ZIC2: variants seen among roughly 807,000 people sequenced by gnomAD.
The protein encoded by ZIC2 is zinc finger protein ZIC 2.
In ZIC2, 7 loss-of-function variants were observed where a neutral mutation model predicts 29.5. The observed-to-expected ratio is 0.24, with a 90% CI of 0.14 to 0.45. The LOEUF is 0.45. ZIC2 is among the 20% of genes least tolerant of loss of function. The pLI, the probability that ZIC2 is intolerant of heterozygous loss-of-function variation, is 1.00. For missense variants in ZIC2, 589 were observed against 781.2 expected (o/e 0.75, Z 2.93); for synonymous variants, 408 against 354.2 (o/e 1.15, Z -1.70).
Position 99,984,972 on chromosome 13 carries a change from G to C in ZIC2, c.1102G>C (p.Glu368Gln). ...GGAGAAGCCGTTCCAGTGTGAGTTT[G>C]AGGGCTGCGACCGGCGCTTCGCCAA... ...TGEKPFQCEF[E>Q]GCDRRFANSS... The change falls in exon 2 of 3, where the codon GAG (glutamate) becomes CAG (glutamine). Residue 368 changes from glutamate (E) to glutamine (Q), a missense_variant. By Grantham distance (29) the Glu-to-Gln change is conservative. Transcript: ENST00000376335. The C allele has an allele frequency of 6.2e-7, 1 of 1,614,122 alleles. No homozygotes were observed. The highest frequency in any genetic ancestry group is 8.5e-7 in the Non-Finnish European group (1 of 1,179,974).
rs1403278870 is a variant in ZIC2, at chr13:99,985,336, C to G, written c.1253C>G (p.Ser418Cys). The change falls in exon 3 of 3, where the codon TCC becomes TGC. Residue 418 changes from serine (S) to cysteine (C), a missense_variant. By Grantham distance (112) the Ser-to-Cys change is moderately radical. Transcript: ENST00000376335. This position sits in a 1 kb window ranked among gnomAD's most constrained non-coding sequence, Gnocchi z 6.3. ...TTTGTCTTGCAGGTCCATGAGTCCT[C>G]CCCGCAGGGCTCTGAATCCTCCCCG... Reference protein sequence around the residue: ...LRKHMKVHESSPQGSESSPAA... With the variant: ...LRKHMKVHESCPQGSESSPAA... 3 of 1,598,104 alleles carry G rather than the reference C, an allele frequency of 1.9e-6. No homozygotes were observed. The highest frequency in any genetic ancestry group is 2.5e-6 in the Non-Finnish European group (3 of 1,179,414).
chr13:99,982,093 C>G lies in ZIC2; in HGVS notation c.29C>G (p.Pro10Arg), dbSNP rs2053236261. 7.9e-7 allele frequency: 1 copy of G among 1,266,162 alleles called. No individual in the cohort carries two copies. Among genetic ancestry groups the G allele is most frequent in the Non-Finnish European group, 9.9e-7 (1 of 1,010,082 alleles). 78.4% of individuals were successfully genotyped at this position (1,266,162 alleles called of 1,614,324 possible). ...CTCCTGGACGCGGGTCCGCAGTTCC[C>G]GGCCATCGGGGTGGGCAGCTTCGCG... MLLDAGPQF[P>R]AIGVGSFARH... Residue 10 changes from proline to arginine, a missense_variant, in exon 1 of 3, where the codon CCG (proline) becomes CGG (arginine). Coordinates refer to ENST00000376335, the MANE Select transcript of ZIC2 (RefSeq NM_007129.5).
intron 1 of ZIC2, 90 bp from the exon 2 acceptor site, chr13:99,984,856 C>A: frequency 6.4e-7 from 1 of 1,571,740 alleles, no homozygotes; most frequent in Non-Finnish European, 8.7e-7. Flanking sequence ...GGTCCTTCTC[C>A]CTCGCCGCGG....
At position 99,985,720 on chromosome 13, in the gene ZIC2, C is replaced by A; in HGVS notation, c.*38C>A. The A allele has an allele frequency of 1.6e-6, 2 of 1,229,356 alleles. No individual in the cohort carries two copies. Among genetic ancestry groups the A allele is most frequent in the Non-Finnish European group, 2.1e-6 (2 of 940,824 alleles). 76.2% of individuals were successfully genotyped at this position (1,229,356 alleles called of 1,614,324 possible). On this transcript the variant is annotated 3_prime_UTR_variant, in exon 3 of 3. Coordinates refer to ENST00000376335, the MANE Select transcript of ZIC2 (RefSeq NM_007129.5). This position sits in a 1 kb window ranked among gnomAD's most constrained non-coding sequence, Gnocchi z 6.3. ...TCTCTCCCTCTCCCTGTCCCCACCC[C>A]AGCGCAGCAGCCCTCCCCGCAGCTA...
chr13:99,984,068 T>A (rs1313229620), intron 1 of ZIC2, among the ~76,000 whole-genome samples: 3 of 152,270 alleles, frequency 2.0e-5, no homozygotes, highest in African/African-American at 7.2e-5. Context: ...TAACAAGGTT[T>A]AAAATTTGAG....
At position 99,985,737 on chromosome 13, in the gene ZIC2, C is replaced by CCAG; in HGVS notation, c.*56_*57insAGC. On this transcript the variant is annotated 3_prime_UTR_variant, in exon 3 of 3. Coordinates refer to ENST00000376335, the MANE Select transcript of ZIC2 (RefSeq NM_007129.5). This position sits in a 1 kb window ranked among gnomAD's most constrained non-coding sequence, Gnocchi z 6.3. ...CCCCACCCCAGCGCAGCAGCCCTCC[C>CCAG]CGCAGCTAGCAGCGAGGGCACCTTG... The CCAG allele has an allele frequency of 9.1e-7, 1 of 1,093,230 alleles. No homozygotes were observed. The highest frequency in any genetic ancestry group is 1.2e-6 in the Non-Finnish European group (1 of 832,582). 67.7% of individuals were successfully genotyped at this position (1,093,230 alleles called of 1,614,324 possible).
Position 99,981,957 on chromosome 13 carries a change from G to A in ZIC2, c.-108G>A. On this transcript the variant is annotated 5_prime_UTR_variant, in exon 1 of 3. Coordinates refer to ENST00000376335, the MANE Select transcript of ZIC2 (RefSeq NM_007129.5). ...GGCTGAAGTGGCCGCCACCACCGCC[G>A]CCTGCGCCTGGAGCCCGGTGGCCGC... is the stretch of plus-strand genomic sequence containing the variant. The A allele has an allele frequency of 8.5e-7, 1 of 1,175,494 alleles. No homozygotes were observed. Among genetic ancestry groups the A allele is most frequent in the South Asian group, 4.0e-5 (1 of 24,860 alleles). 72.8% of individuals were successfully genotyped at this position (1,175,494 alleles called of 1,614,324 possible).
chr13:99,984,838 C>A lies in ZIC2; in HGVS notation c.1076-108C>A, dbSNP rs1462688752. The A allele has an allele frequency of 2.8e-6, 4 of 1,405,710 alleles. No individual in the cohort carries two copies. In the East Asian group the frequency reaches 7.2e-5, roughly 25 times the overall value. 87.1% of individuals were successfully genotyped at this position (1,405,710 alleles called of 1,614,324 possible). On this transcript the variant is annotated intron_variant, in intron 1 of 2. Coordinates refer to ENST00000376335, the MANE Select transcript of ZIC2 (RefSeq NM_007129.5). ...GATCGGACTGGTTTGAGGGACCCAGCCCCCTCAGGTCCTTCTCCCTCGCCG... is the reference window on the plus strand; with the variant it reads ...GATCGGACTGGTTTGAGGGACCCAGACCCCTCAGGTCCTTCTCCCTCGCCG...
rs2152162627 is a variant in ZIC2, at chr13:99,982,770, C to A, written c.706C>A (p.His236Asn). 2 of 1,605,552 alleles carry A rather than the reference C, an allele frequency of 1.2e-6. No homozygotes were observed. Among genetic ancestry groups the A allele is most frequent in the Non-Finnish European group, 1.7e-6 (2 of 1,179,818 alleles). Residue 236 changes from histidine (H) to asparagine (N), a missense_variant, in exon 1 of 3, where the codon CAC becomes AAC. Physicochemically the swap from His to Asn is moderately conservative, Grantham distance 68 (BLOSUM62 1). Coordinates refer to ENST00000376335, the MANE Select transcript of ZIC2 (RefSeq NM_007129.5). The part of the protein sequence containing the change: ...AAAAAHHHHH[H>N]HHHPGAFFRY... ...AGCCGCGGCCCACCACCACCACCAC[C>A]ACCACCACCACCCCGGTGCCTTTTT...
chr13:99,983,222 G>C lies in ZIC2; in HGVS notation c.1075+83G>C. ...CTCAGGCTGTGGGTGCCGACGCTGG[G>C]CGCAGACCGCCAGCCGGGGACCTGG... On this transcript the variant is annotated intron_variant, in intron 1 of 2. Coordinates refer to ENST00000376335, the MANE Select transcript of ZIC2 (RefSeq NM_007129.5). This position sits in a 1 kb window ranked among gnomAD's most constrained non-coding sequence, Gnocchi z 4.7. 1 of 1,538,176 alleles carries C rather than the reference G, an allele frequency of 6.5e-7. No individual in the cohort carries two copies. The highest frequency in any genetic ancestry group is 8.7e-7 in the Non-Finnish European group (1 of 1,144,076).
Position 99,982,888 on chromosome 13 carries a change from A to G in ZIC2, c.824A>G (p.Lys275Arg). ...AGCAATCCCAAGAAGAGCTGCAACA[A>G]AACTTTCAGCACCATGCACGAGCTG... ...QLSNPKKSCNKTFSTMHELVT... is the reference protein window; with the variant it reads ...QLSNPKKSCNRTFSTMHELVT... Residue 275 changes from lysine (K) to arginine (R), a missense_variant, in exon 1 of 3, where the codon AAA becomes AGA. Lys to Arg is a conservative substitution (Grantham distance 26). Transcript: ENST00000376335. The G allele has an allele frequency of 6.2e-7, 1 of 1,613,324 alleles. No individual in the cohort carries two copies.
Position 99,985,540 on chromosome 13 carries a change from G to A in ZIC2, c.1457G>A (p.Gly486Glu), listed in dbSNP as rs2053262336. ...GGAGGCTCGGGCAGTGGCGGCGCGG[G>A]AGGCGGCTCAGGCGGCGGCAGCGGC... ...RGGGSGSGGA[G>E]GGSGGGSGSG... Residue 486 changes from glycine to glutamate, a missense_variant, in exon 3 of 3, where the codon GGA (glycine) becomes GAA (glutamate). Coordinates refer to ENST00000376335, the MANE Select transcript of ZIC2 (RefSeq NM_007129.5). The surrounding 1 kb of genome is among the most constrained non-coding windows in gnomAD (Gnocchi z 6.3). The A allele has an allele frequency of 1.3e-5, 13 of 1,002,368 alleles. No individual in the cohort carries two copies. The highest frequency in any genetic ancestry group is 3.5e-5 in the African/African-American group (2 of 56,786). 62.1% of individuals were successfully genotyped at this position (1,002,368 alleles called of 1,614,324 possible).
chr13:99,981,992 C>A lies in ZIC2; in HGVS notation c.-73C>A. The A allele has an allele frequency of 1.7e-6, 2 of 1,202,578 alleles. No homozygotes were observed. Among genetic ancestry groups the A allele is most frequent in the Admixed American group, 4.5e-5 (1 of 22,332 alleles). The allele number at this position is 1,202,578 out of a possible 1,614,324, so 74.5% of individuals were successfully genotyped here. On this transcript the variant is annotated 5_prime_UTR_variant, in exon 1 of 3. Coordinates refer to ENST00000376335, the MANE Select transcript of ZIC2 (RefSeq NM_007129.5). ...GGAGCCCGGTGGCCGCCGGACGCAC[C>A]GCGCGGATCGGGAGCGGGAGTCGAG... is the stretch of plus-strand genomic sequence containing the variant.
chr13:99,985,190 T>C lies in ZIC2; in HGVS notation c.1239+81T>C. 6.2e-7 allele frequency: 1 copy of C among 1,609,054 alleles called. No individual in the cohort carries two copies. ...CTGGCCCGGACCACCTCAGCCGGCC[T>C]GGGAGGGTCCCCAGGGGCCAGGGCG... On this transcript the variant is annotated intron_variant, in intron 2 of 2. Transcript: ENST00000376335. The surrounding 1 kb of genome is among the most constrained non-coding windows in gnomAD (Gnocchi z 6.3).
intron 1 of ZIC2, chr13:99,984,285 G>T (rs1445664941): frequency 1.3e-5 from 2 of 155,024 alleles, no homozygotes; most frequent in Middle Eastern, 3.2e-3. Flanking sequence ...AAACGGGGAG[G>T]TTTTGAAAGG....
At position 99,986,020 on chromosome 13, in the gene ZIC2, G is replaced by C; in HGVS notation, c.*338G>C. On this transcript the variant is annotated 3_prime_UTR_variant, in exon 3 of 3. Coordinates refer to ENST00000376335, the MANE Select transcript of ZIC2 (RefSeq NM_007129.5). ...TTTCCCACCCTGTTCCCAGTCTTCT[G>C]ACAAACTGTGTACATAGCGGACTCC... 2.2e-6 allele frequency: 1 copy of C among 455,508 alleles called. No homozygotes were observed. The highest frequency in any genetic ancestry group is 4.4e-6 in the Non-Finnish European group (1 of 226,800). 28.2% of individuals were successfully genotyped at this position (455,508 alleles called of 1,614,324 possible). A position where few individuals can be genotyped will look rare whatever the true frequency, so the allele number is the denominator to read the frequency against.
Position 99,985,447 on chromosome 13 carries a change from C to T in ZIC2, c.1364C>T (p.Pro455Leu). ...CCCCAGAGCAGCTCCAACCTGTCCC[C>T]AGCGGCGGCGGCAGCGGCGGCGGCG... ...AEPQSSSNLSPAAAAAAAAAA... is the reference protein window; with the variant it reads ...AEPQSSSNLSLAAAAAAAAAA... Residue 455 changes from proline (P) to leucine (L), a missense_variant, in exon 3 of 3, where the codon CCA (proline) becomes CTA (leucine). This residue lies in a region of ZIC2 where 135 missense variants were observed against 136.7 expected (regional missense o/e 0.99). Transcript: ENST00000376335. This position sits in a 1 kb window ranked among gnomAD's most constrained non-coding sequence, Gnocchi z 6.3. 2 of 1,420,782 alleles carry T rather than the reference C, an allele frequency of 1.4e-6. No homozygotes were observed. The highest frequency in any genetic ancestry group is 2.6e-5 in the Admixed American group (1 of 38,908). The allele number at this position is 1,420,782 out of a possible 1,614,324, so 88.0% of individuals were successfully genotyped here.
chr13:99,985,480 CGGCGGCGGCCGCGGTGTCCGCGGT>C lies in ZIC2; in HGVS notation c.1399_1422del (p.Ala467_Val474del). 7.9e-7 allele frequency: 1 copy of C among 1,268,932 alleles called. No individual in the cohort carries two copies. The highest frequency in any genetic ancestry group is 9.8e-7 in the Non-Finnish European group (1 of 1,015,522). The allele number at this position is 1,268,932 out of a possible 1,614,324, so 78.6% of individuals were successfully genotyped here. On this transcript the variant is annotated inframe_deletion, in exon 3 of 3. Coordinates refer to ENST00000376335, the MANE Select transcript of ZIC2 (RefSeq NM_007129.5). The surrounding 1 kb of genome is among the most constrained non-coding windows in gnomAD (Gnocchi z 6.3). ...GCGGCAGCGGCGGCGGCGGCTGCGG[CGGCGGCGGCCGCGGTGTCCGCGGT>C]GCACCGGGGCGGAGGCTCGGGCAGT...
rs1297449392 is a variant in ZIC2, at chr13:99,983,859, G to A, written c.1075+720G>A. Among the ~76,000 whole-genome samples, 3 of 152,286 alleles carry A rather than the reference G, an allele frequency of 2.0e-5. No homozygotes were observed. The highest frequency in any genetic ancestry group is 7.2e-5 in the African/African-American group (3 of 41,562). ...GGGGATCGCGTGAGAAGAGAGAGCCGCAAAAGAACGCGCCTCCCGCCTCAT... is the reference window on the plus strand; with the variant it reads ...GGGGATCGCGTGAGAAGAGAGAGCCACAAAAGAACGCGCCTCCCGCCTCAT... On this transcript the variant is annotated intron_variant, in intron 1 of 2. Coordinates refer to ENST00000376335, the MANE Select transcript of ZIC2 (RefSeq NM_007129.5). This position sits in a 1 kb window ranked among gnomAD's most constrained non-coding sequence, Gnocchi z 4.7.
Sources: gnomAD v4.1 joint callset for allele counts (sites outside exome capture counted in the v4.1 genomes callset) on GRCh38, gnomAD v4.1.1 for gene constraint, gnomAD v4.1.1 regional missense constraint, Gnocchi (gnomAD v3.1) non-coding constraint, MANE v1.5 for transcripts, NCBI Gene and HGNC (gene_info 2026-07-23, HGNC 2026-07-21) for gene names.